The following XPR1 variants were observed in gnomAD, a reference collection of about 807,000 sequenced individuals.
XPR1 encodes the protein xenotropic and polytropic retrovirus receptor 1.
In XPR1, 28 loss-of-function variants were observed where a neutral mutation model predicts 87.5. The ratio of observed to expected loss-of-function variants is 0.32; its 90% CI spans 0.24 to 0.44. The LOEUF (loss-of-function observed/expected upper bound fraction) is 0.44. Among genes scored for constraint, XPR1 ranks in the 20% least tolerant of loss-of-function variants. The pLI is 1.00. For missense variants in XPR1, 559 were observed against 862.3 expected, an observed-to-expected ratio of 0.65 and a Z score of 4.41; for synonymous variants, 300 against 306.1, an observed-to-expected ratio of 0.98 and a Z score of 0.21.
chr1:180,708,014 G>A (rs945058764), intron 2 of XPR1, among the ~76,000 whole-genome samples: 2 of 152,076 alleles, frequency 1.3e-5, no homozygotes, highest in African/African-American at 4.8e-5. Flanking sequence ...AAACAATTAG[G>A]TCAAATGAAT....
At chr1:180,862,267 G>A (rs932115400) in intron 11 of XPR1, among the ~76,000 whole-genome samples, 23 of 151,990 alleles carry the variant, frequency 1.5e-4, no homozygotes, top group African/African-American at 4.8e-4. Context: ...CCACGAAGGC[G>A]TTCCACAGTC....
rs1024332706 is a variant in XPR1 at position 180,889,782 on chromosome 1, T to C, written c.*5716T>C. 2 of 152,192 alleles carry C rather than the reference T, an allele frequency of 1.3e-5. No homozygotes were observed. The highest frequency in any genetic ancestry group is 2.9e-5 in the Non-Finnish European group (2 of 68,028). The allele number at this position is 152,192 out of a possible 1,614,324, so 9.4% of individuals were successfully genotyped here. On this transcript the variant is annotated 3_prime_UTR_variant, in exon 15 of 15. Transcript: ENST00000367590. ...TATTTTTCTGTTCAAACTCTCTCCT[T>C]CTATTTGTGTTTCCTTCACCCCTCT...
chr1:180,796,896 TAAAG>T (rs1394735767), intron 3 of XPR1, among the ~76,000 whole-genome samples: 3 of 152,200 alleles, frequency 2.0e-5, no homozygotes, highest in Non-Finnish European at 4.4e-5. Context: ...CCTGCTAAGT[TAAAG>T]AACCCAAACA....
In XPR1 at chr1:180,863,835, G is replaced by C; in HGVS notation, c.1629G>C (p.Glu543Asp). 1 of 1,607,958 alleles carries C rather than the reference G, an allele frequency of 6.2e-7. No individual in the cohort carries two copies. The highest frequency in any genetic ancestry group is 8.5e-7 in the Non-Finnish European group (1 of 1,178,138). The change falls in exon 12 of 15, where the codon GAG becomes GAC. Residue 543 changes from glutamate (E) to aspartate (D), a missense_variant. Glu to Asp is a conservative substitution (Grantham distance 45). This residue lies in a region of XPR1 where 264 missense variants were observed against 377.2 expected (regional missense o/e 0.70). Coordinates refer to ENST00000367590, the MANE Select transcript of XPR1 (RefSeq NM_004736.4). ...GTCTCTTCGATAAGAATGCTGGAGA[G>C]AACACTTTCCTCCGGGAAGAGATTG... ...DWGLFDKNAG[E>D]NTFLREEIVY...
At chr1:180,823,411 G>A (rs1176947842) in intron 7 of XPR1, among the ~76,000 whole-genome samples, 2 of 152,148 alleles carry the variant, frequency 1.3e-5, no homozygotes, top group African/African-American at 4.8e-5. Flanking sequence ...AAGGATCCAG[G>A]ATCTGTCTCT....
At chr1:180,852,061 G>A (rs566390016) in intron 11 of XPR1, among the ~76,000 whole-genome samples, 2 of 151,332 alleles carry the variant, frequency 1.3e-5, no homozygotes, top group African/African-American at 4.9e-5. Flanking sequence ...TGGAGCTCAC[G>A]GTTTGGTAAG....
intron 11 of XPR1, among the ~76,000 whole-genome samples, chr1:180,860,166 A>G (rs1652174913): frequency 6.6e-6 from 1 of 152,164 alleles, no homozygotes; most frequent in Admixed American, 6.6e-5. Context: ...ACTAGATACT[A>G]CAAAATGTCT....
intron 3 of XPR1, among the ~76,000 whole-genome samples, chr1:180,801,407 A>T (rs1488931705): frequency 6.6e-6 from 1 of 152,232 alleles, no homozygotes; most frequent in African/African-American, 2.4e-5. Context: ...ACCCACATAA[A>T]TGGATGAAAT....
chr1:180,745,280 C>G (rs1409330525), intron 2 of XPR1, among the ~76,000 whole-genome samples: 1 of 152,110 alleles, frequency 6.6e-6, no homozygotes, highest in Non-Finnish European at 1.5e-5. Flanking sequence ...GGAGCAATTC[C>G]TATGACTTTG....
intron 2 of XPR1, among the ~76,000 whole-genome samples, chr1:180,760,065 C>G (rs759071196): frequency 2.7e-5 from 4 of 150,716 alleles, no homozygotes; most frequent in East Asian, 1.9e-4. Context: ...ATTCAGCAAC[C>G]CTTCATGCTA....
chr1:180,723,264 A>T (rs539451464), intron 2 of XPR1, among the ~76,000 whole-genome samples: 1 of 152,224 alleles, frequency 6.6e-6, no homozygotes, highest in African/African-American at 2.4e-5. Context: ...GCAATACTGC[A>T]TAACAGAAAC....
At chr1:180,826,178 A>C (rs970945892) in intron 9 of XPR1, among the ~76,000 whole-genome samples, 4 of 152,240 alleles carry the variant, frequency 2.6e-5, no homozygotes, top group African/African-American at 9.6e-5. Flanking sequence ...ATTTCCTGCA[A>C]AACTGTAAAG....
intron 2 of XPR1, among the ~76,000 whole-genome samples, chr1:180,686,845 ATATC>A (rs1004042581): frequency 2.0e-5 from 3 of 152,186 alleles, no homozygotes; most frequent in African/African-American, 7.2e-5. Context: ...TTATATAAAA[ATATC>A]CATCTTTCAT....
chr1:180,694,165 G>A, intron 2 of XPR1, among the ~76,000 whole-genome samples: 1 of 152,110 alleles, frequency 6.6e-6, no homozygotes, highest in East Asian at 1.9e-4. Context: ...TTGCTATGTT[G>A]CCTAGGCTGA....
At chr1:180,866,390 A>G (rs1471025625) in intron 12 of XPR1, among the ~76,000 whole-genome samples, 8 of 152,214 alleles carry the variant, frequency 5.3e-5, no homozygotes, top group Non-Finnish European at 1.2e-4. Context: ...TTAGGAATGC[A>G]TAATATTAAG....
At chr1:180,644,447 G>A (rs562743973) in intron 1 of XPR1, among the ~76,000 whole-genome samples, 13 of 147,668 alleles carry the variant, frequency 8.8e-5, no homozygotes, top group African/African-American at 3.3e-4. Context: ...ACTGATACTG[G>A]TCTGTGACTT....
At chr1:180,879,151 A>G (rs1043143681) in intron 13 of XPR1, among the ~76,000 whole-genome samples, 2 of 152,218 alleles carry the variant, frequency 1.3e-5, no homozygotes, top group South Asian at 2.1e-4. Context: ...AAGTCCTGTC[A>G]GCTCCATCTT....
intron 1 of XPR1, among the ~76,000 whole-genome samples, chr1:180,672,643 AACTGACTTGTACATTAT>A (rs1459064250): frequency 6.6e-6 from 1 of 152,212 alleles, no homozygotes; most frequent in Non-Finnish European, 1.5e-5. Flanking sequence ...TATTAGATGT[AACTGACTTGTACATTAT>A]TCACCCAATA....
At chr1:180,719,335 G>A (rs550004735) in intron 2 of XPR1, among the ~76,000 whole-genome samples, 1 of 152,294 alleles carries the variant, frequency 6.6e-6, no homozygotes, top group East Asian at 1.9e-4. Flanking sequence ...AAAGAAAAAA[G>A]TTGGAAGTAT....
Sources: gnomAD v4.1 joint callset for allele counts (sites outside exome capture counted in the v4.1 genomes callset) on GRCh38, gnomAD v4.1.1 for gene constraint, gnomAD v4.1.1 regional missense constraint, MANE v1.5 for transcripts, NCBI Gene and HGNC (gene_info 2026-07-23, HGNC 2026-07-21) for gene names.